Variants in GPC5 observed in about 807,000 individuals in gnomAD.
GPC5 encodes glypican-5.
GPC5 carries 47 observed loss-of-function variants against 53.9 expected under a neutral mutation model. The ratio of observed to expected loss-of-function variants is 0.87; its 90% CI spans 0.69 to 1.11. The LOEUF (loss-of-function observed/expected upper bound fraction) is 1.11. GPC5 is among the 50% of genes most tolerant of loss of function. The pLI is 0.00. For missense variants in GPC5, 748 were observed against 713.1 expected, an observed-to-expected ratio of 1.05 and a Z score of -0.56; for synonymous variants, 286 against 263.3, an observed-to-expected ratio of 1.09 and a Z score of -0.84.
At chr13:92,489,281 A>T (rs1015954350) in intron 7 of GPC5, among the ~76,000 whole-genome samples, 2 of 152,146 alleles carry the variant, frequency 1.3e-5, no homozygotes, top group African/African-American at 4.8e-5. Flanking sequence ...ATATTTATCA[A>T]GTATTAGTAT....
At chr13:92,228,295 T>G (rs986601423) in intron 7 of GPC5, among the ~76,000 whole-genome samples, 1 of 151,986 alleles carries the variant, frequency 6.6e-6, no homozygotes, top group Non-Finnish European at 1.5e-5. Context: ...CCAATACTTA[T>G]ATAAAACAAA....
intron 6 of GPC5, among the ~76,000 whole-genome samples, chr13:92,092,184 T>C (rs1196066068): frequency 6.6e-6 from 1 of 152,170 alleles, no homozygotes; most frequent in East Asian, 1.9e-4. Context: ...AAAATGAAGC[T>C]CTCTGCATAC....
intron 5 of GPC5, among the ~76,000 whole-genome samples, chr13:91,889,066 G>T (rs2039357256): frequency 6.6e-6 from 1 of 152,184 alleles, no homozygotes; most frequent in African/African-American, 2.4e-5. Flanking sequence ...TTTCTTGAGT[G>T]AACTGTGTGC....
At chr13:91,839,073 C>G (rs374615847) in intron 5 of GPC5, among the ~76,000 whole-genome samples, 15 of 152,096 alleles carry the variant, frequency 9.9e-5, no homozygotes, top group African/African-American at 2.7e-4. Context: ...GTAGTCATTC[C>G]AGTGAGCTAA....
chr13:92,751,074 G>GA (rs779290511), intron 7 of GPC5, among the ~76,000 whole-genome samples: 3 of 151,978 alleles, frequency 2.0e-5, no homozygotes, highest in Non-Finnish European at 4.4e-5. Context: ...TACTGTTCAT[G>GA]AAAAATTGAT....
At chr13:91,642,943 C>A (rs2034467047) in intron 2 of GPC5, among the ~76,000 whole-genome samples, 1 of 152,082 alleles carries the variant, frequency 6.6e-6, no homozygotes, top group Non-Finnish European at 1.5e-5. Context: ...GAATCAGAAT[C>A]ATGGTGGCAG....
At chr13:92,096,277 C>T (rs1428512354) in intron 6 of GPC5, among the ~76,000 whole-genome samples, 2 of 152,250 alleles carry the variant, frequency 1.3e-5, no homozygotes, top group Non-Finnish European at 1.5e-5. Context: ...ATAACTATCT[C>T]TGCCATTCAT....
At chr13:91,851,458 A>G (rs2038912024) in intron 5 of GPC5, among the ~76,000 whole-genome samples, 1 of 152,060 alleles carries the variant, frequency 6.6e-6, no homozygotes, top group Non-Finnish European at 1.5e-5. Context: ...GACTTTATAA[A>G]CACCGTACAC....
intron 7 of GPC5, among the ~76,000 whole-genome samples, chr13:92,816,309 A>G (rs1247670772): frequency 6.6e-6 from 1 of 152,068 alleles, no homozygotes; most frequent in African/African-American, 2.4e-5. Flanking sequence ...TGGTAACCAG[A>G]TCCATAGACT....
chr13:92,654,266 T>C (rs190945641), intron 7 of GPC5, among the ~76,000 whole-genome samples: 21 of 152,312 alleles, frequency 1.4e-4, no homozygotes, highest in Admixed American at 6.5e-4. Context: ...AGATTGGTTT[T>C]TTAAAAAAAC....
rs1566549952 is a variant in GPC5 at position 92,347,904 on chromosome 13, A to ATATATAT, written c.1561+202916_1561+202922dup. ...ATATTATATATATTATATATATAATATATATATAATATATATATATTATAT... is the reference window on the plus strand; with the variant it reads ...ATATTATATATATTATATATATAATATATATATTATATATAATATATATATATTATAT... On this transcript the variant is annotated intron_variant, in intron 7 of 7. Transcript: ENST00000377067. Among the ~76,000 whole-genome samples, 7 of 12,624 alleles carry ATATATAT rather than the reference A, an allele frequency of 5.5e-4. 1 individual carries two copies. Among genetic ancestry groups the ATATATAT allele is most frequent in the Admixed American group, 4.2e-3 (3 of 708 alleles). 8.3% of individuals were successfully genotyped at this position (12,624 alleles called of 152,430 possible).
intron 2 of GPC5, among the ~76,000 whole-genome samples, chr13:91,500,082 C>T (rs1884532577): frequency 1.3e-5 from 2 of 152,194 alleles, no homozygotes; most frequent in Non-Finnish European, 1.5e-5. Flanking sequence ...CCAATATAGA[C>T]CAGCTTTCTT....
intron 6 of GPC5, among the ~76,000 whole-genome samples, chr13:92,110,336 C>A (rs1198791406): frequency 6.6e-6 from 1 of 152,102 alleles, no homozygotes; most frequent in East Asian, 1.9e-4. Flanking sequence ...GAATGCAAGA[C>A]CTTATTAACT....
At chr13:92,113,073 G>A (rs905033958) in intron 6 of GPC5, among the ~76,000 whole-genome samples, 1 of 151,992 alleles carries the variant, frequency 6.6e-6, no homozygotes, top group Non-Finnish European at 1.5e-5. Flanking sequence ...TTATGAAATG[G>A]CAACATGGTA....
chr13:91,816,019 AAG>A (rs2038393727), intron 5 of GPC5, among the ~76,000 whole-genome samples: 1 of 152,122 alleles, frequency 6.6e-6, no homozygotes, highest in Non-Finnish European at 1.5e-5. Context: ...ATTCCCTGGG[AAG>A]CTTACCTAGC....
At chr13:92,859,982 G>C (rs983151860) in intron 7 of GPC5, among the ~76,000 whole-genome samples, 1 of 151,924 alleles carries the variant, frequency 6.6e-6, no homozygotes, top group Admixed American at 6.6e-5. Context: ...AAAAAGTCTA[G>C]TTATTATTCA....
intron 7 of GPC5, among the ~76,000 whole-genome samples, chr13:92,541,976 A>G (rs1278603543): frequency 6.6e-6 from 1 of 151,790 alleles, no homozygotes; most frequent in East Asian, 1.9e-4. Flanking sequence ...CCATTGATTT[A>G]TTTCTCTGTT....
At chr13:92,104,170 C>T (rs1040641667) in intron 6 of GPC5, among the ~76,000 whole-genome samples, 2 of 152,084 alleles carry the variant, frequency 1.3e-5, no homozygotes, top group African/African-American at 4.8e-5. Flanking sequence ...TTTTGGGAGG[C>T]TCCAAACCCA....
At chr13:92,597,600 A>G (rs1883922999) in intron 7 of GPC5, among the ~76,000 whole-genome samples, 2 of 152,322 alleles carry the variant, frequency 1.3e-5, no homozygotes, top group South Asian at 4.1e-4. Flanking sequence ...ATAATGTCAA[A>G]GAAAAACTAA....
Sources: gnomAD v4.1 joint callset for allele counts (sites outside exome capture counted in the v4.1 genomes callset) on GRCh38, gnomAD v4.1.1 for gene constraint, MANE v1.5 for transcripts, NCBI Gene and HGNC (gene_info 2026-07-23, HGNC 2026-07-21) for gene names.